Variants in EGFR observed in about 807,000 individuals in gnomAD.
The protein encoded by EGFR is avian erythroblastic leukemia viral (v-erb-b) oncogene homolog.
In EGFR, 58 loss-of-function variants were observed where a neutral mutation model predicts 143.0. The observed-to-expected ratio is 0.41, with a 90% CI of 0.33 to 0.50. The LOEUF (loss-of-function observed/expected upper bound fraction) is 0.50. EGFR is among the 20% of genes least tolerant of loss of function. EGFR has a pLI of 0.39. For synonymous variants in EGFR, 613 were observed against 594.4 expected (o/e 1.03, Z -0.45); for missense variants, 1,307 against 1,579.0 (o/e 0.83, Z 2.92).
At chr7:55,190,311 T>G (rs1353441388) in intron 20 of EGFR, among the ~76,000 whole-genome samples, 1 of 152,156 alleles carries the variant, frequency 6.6e-6, no homozygotes, top group East Asian at 1.9e-4. Flanking sequence ...CATGTAGTCA[T>G]GAGACGTGGG....
intron 1 of EGFR, among the ~76,000 whole-genome samples, chr7:55,056,786 A>G (rs972672091): frequency 6.6e-6 from 1 of 152,250 alleles, no homozygotes; most frequent in South Asian, 2.1e-4. Context: ...ATTGGATCCA[A>G]ATTCCACATG....
At chr7:55,202,487 G>A (rs763791054) in intron 26 of EGFR, 30 bp from the exon 27 acceptor site, 82 of 1,569,218 alleles carry the variant, frequency 5.2e-5, no homozygotes, top group Admixed American at 2.0e-4. Context: ...AGCCCTGACC[G>A]GAGTAACCTT....
intron 1 of EGFR, among the ~76,000 whole-genome samples, chr7:55,020,251 G>T (rs1419826753): frequency 2.0e-5 from 3 of 152,184 alleles, no homozygotes; most frequent in African/African-American, 7.2e-5. Flanking sequence ...CTGGGCGCCC[G>T]CGCCGAAAGC....
At chr7:55,179,081 G>A (rs754895510) in intron 19 of EGFR, among the ~76,000 whole-genome samples, 1 of 152,242 alleles carries the variant, frequency 6.6e-6, no homozygotes, top group Non-Finnish European at 1.5e-5. Flanking sequence ...GCAAGTGTGT[G>A]CCGGGTGATC....
chr7:55,156,033 C>T (rs1189704533), intron 8 of EGFR, 87 bp downstream of exon 8: 2 of 902,174 alleles, frequency 2.2e-6, no homozygotes, highest in Non-Finnish European at 3.6e-6. Flanking sequence ...ACACATCTTC[C>T]TCTTCTCATT....
chr7:55,203,664 C>T (rs1385593935), intron 27 of EGFR, among the ~76,000 whole-genome samples: 1 of 135,998 alleles, frequency 7.4e-6, no homozygotes, highest in East Asian at 2.0e-4. Context: ...ACACCACACA[C>T]ACACATACAC....
chr7:55,146,761 AT>A (rs1386431050), intron 4 of EGFR, 21 bp downstream of exon 4: 2 of 1,614,138 alleles, frequency 1.2e-6, no homozygotes, highest in Non-Finnish European at 1.7e-6. Context: ...CATACACACT[AT>A]CTCTGCCTCC....
At chr7:55,130,031 A>G (rs1304630176) in intron 1 of EGFR, among the ~76,000 whole-genome samples, 1 of 152,200 alleles carries the variant, frequency 6.6e-6, no homozygotes, top group Non-Finnish European at 1.5e-5. Context: ...ATCCCAGCAG[A>G]GTTGAATAAT....
intron 1 of EGFR, among the ~76,000 whole-genome samples, chr7:55,102,082 C>T (rs1791867631): frequency 6.6e-6 from 1 of 152,136 alleles, no homozygotes; most frequent in African/African-American, 2.4e-5. Context: ...CTCTGAAAAC[C>T]TCTCTGAACG....
rs1788069498 is a variant in EGFR, at chr7:55,205,403, A to G, written c.3419A>G (p.Asn1140Ser). The stretch of plus-strand genomic sequence containing the variant: ...GCAGTGGGCAACCCCGAGTATCTCA[A>G]CACTGTCCAGCCCACCTGTGTCAAC... ...STAVGNPEYL[N>S]TVQPTCVNST... The change falls in exon 28 of 28, where the codon AAC becomes AGC. Residue 1140 changes from asparagine (N) to serine (S), a missense_variant. Transcript: ENST00000275493. The G allele has an allele frequency of 6.2e-7, 1 of 1,614,120 alleles. No individual in the cohort carries two copies. The highest frequency in any genetic ancestry group is 8.5e-7 in the Non-Finnish European group (1 of 1,180,006).
chr7:55,165,973 C>T (rs1785957459), intron 15 of EGFR, among the ~76,000 whole-genome samples: 1 of 152,048 alleles, frequency 6.6e-6, no homozygotes, highest in East Asian at 1.9e-4. Flanking sequence ...AGGTCAGGAG[C>T]TTGAGACCAG....
In EGFR at chr7:55,151,890, CAA is replaced by C. The variant is rs776465267; in HGVS notation, c.628+529_628+530del. 1.0e-3 allele frequency among the ~76,000 whole-genome samples: 153 copies of C among 152,242 alleles called. 3 individuals are homozygous for C. The Middle Eastern group carries it at 0.01, about 10-fold the overall frequency. ...CTCCGTCTCAAAACAACAACAACAACAACAACAACAATAAGTGAACATCAGCA... is the reference window on the plus strand; with the variant it reads ...CTCCGTCTCAAAACAACAACAACAACCAACAACAATAAGTGAACATCAGCA... On this transcript the variant is annotated intron_variant, in intron 5 of 27. Transcript: ENST00000275493.
chr7:55,142,145 A>C, intron 1 of EGFR, 141 bp from the exon 2 acceptor site: 1 of 966,544 alleles, frequency 1.0e-6, no homozygotes, highest in South Asian at 1.4e-5. Flanking sequence ...CGCCCAGATG[A>C]CCTGGGCAGG....
intron 20 of EGFR, among the ~76,000 whole-genome samples, chr7:55,190,383 A>G (rs1050118027): frequency 2.0e-5 from 3 of 152,198 alleles, no homozygotes; most frequent in Admixed American, 6.5e-5. Flanking sequence ...AACGGCGCCC[A>G]AAGACTAATT....
intron 1 of EGFR, among the ~76,000 whole-genome samples, chr7:55,098,092 A>G (rs1791584023): frequency 6.6e-6 from 1 of 152,244 alleles, no homozygotes; most frequent in Admixed American, 6.5e-5. Flanking sequence ...TACAGACCCC[A>G]GAGTTGCTTT....
intron 27 of EGFR, 139 bp from the exon 28 acceptor site, chr7:55,205,117 G>T: frequency 7.6e-7 from 1 of 1,310,516 alleles, no homozygotes; most frequent in Non-Finnish European, 1.0e-6. Flanking sequence ...TGCAGCAACA[G>T]CAAGAGGGCC....
chr7:55,132,856 A>G (rs528926722), intron 1 of EGFR, among the ~76,000 whole-genome samples: 6 of 152,266 alleles, frequency 3.9e-5, no homozygotes, highest in African/African-American at 1.4e-4. Context: ...TGAATTAATG[A>G]ACAAAAGAAC....
intron 3 of EGFR, among the ~76,000 whole-genome samples, chr7:55,144,609 G>A (rs1221241780): frequency 6.6e-6 from 1 of 152,192 alleles, no homozygotes; most frequent in Non-Finnish European, 1.5e-5. Context: ...TCAGTTCACC[G>A]CCTATAAAAT....
intron 1 of EGFR, among the ~76,000 whole-genome samples, chr7:55,055,060 G>A (rs910649164): frequency 6.6e-6 from 1 of 152,156 alleles, no homozygotes; most frequent in African/African-American, 2.4e-5. Context: ...TTCCCCGATG[G>A]GGGGTTTCCC....
Sources: allele counts gnomAD v4.1 joint callset (sites outside exome capture counted in the v4.1 genomes callset), GRCh38; gene constraint gnomAD v4.1.1; transcripts MANE v1.5; gene names NCBI Gene and HGNC (gene_info 2026-07-23, HGNC 2026-07-21).